EVC2: variants seen among roughly 807,000 people sequenced by gnomAD.
EVC2 encodes the protein limbin.
In EVC2, 148 loss-of-function variants were observed where a neutral mutation model predicts 149.3. That is an observed-to-expected ratio of 0.99 (90% CI 0.87 to 1.14). The LOEUF (loss-of-function observed/expected upper bound fraction) is 1.14. Ranked by LOEUF, EVC2 falls within the 50% of genes most tolerant of loss-of-function variation. The pLI is 0.00. For missense variants in EVC2, 1,854 were observed against 1,627.3 expected (o/e 1.14, Z -2.40); for synonymous variants, 776 against 649.9 (o/e 1.19, Z -2.95).
intron 10 of EVC2, among the ~76,000 whole-genome samples, chr4:5,635,263 C>T (rs1716821561): frequency 6.6e-6 from 1 of 152,032 alleles, no homozygotes; most frequent in South Asian, 2.1e-4. Context: ...TCTCAAACAC[C>T]TGACCTCAGG....
intron 21 of EVC2, among the ~76,000 whole-genome samples, chr4:5,548,119 C>A (rs889676946): frequency 6.6e-6 from 1 of 152,026 alleles, no homozygotes; most frequent in African/African-American, 2.4e-5. Context: ...ACTCACACAC[C>A]CCTTGCCACT....
chr4:5,572,036 C>T (rs1020438604), intron 19 of EVC2, among the ~76,000 whole-genome samples: 2 of 152,208 alleles, frequency 1.3e-5, no homozygotes, highest in African/African-American at 4.8e-5. Flanking sequence ...TCCACAATCA[C>T]GGCAGCCAAT....
In EVC2 at chr4:5,613,043, G is replaced by C. The variant is rs982599741; in HGVS notation, c.2829+2379C>G. Among the ~76,000 whole-genome samples the C allele has an allele frequency of 6.6e-6, 1 of 152,102 alleles. No individual in the cohort carries two copies. Among genetic ancestry groups the C allele is most frequent in the Non-Finnish European group, 1.5e-5 (1 of 68,004 alleles). ...GGTCCAGCCTTGAGCCACTGGGTGGGAGCGGTGCGGTCTGCACCTGATGTC... is the reference window on the plus strand; with the variant it reads ...GGTCCAGCCTTGAGCCACTGGGTGGCAGCGGTGCGGTCTGCACCTGATGTC... On this transcript the variant is annotated intron_variant, in intron 16 of 21. Transcript: ENST00000344408. This position sits in a 1 kb window ranked among gnomAD's most constrained non-coding sequence, Gnocchi z 4.6.
chr4:5,604,114 A>G (rs1714205509), intron 16 of EVC2, among the ~76,000 whole-genome samples: 1 of 152,192 alleles, frequency 6.6e-6, no homozygotes, highest in Admixed American at 6.5e-5. Flanking sequence ...TGCCTGCTTC[A>G]CTACAGAGGG....
intron 9 of EVC2, among the ~76,000 whole-genome samples, chr4:5,661,825 T>G (rs1040082520): frequency 2.6e-5 from 4 of 152,220 alleles, no homozygotes; most frequent in African/African-American, 9.6e-5. Context: ...CATTTACTAG[T>G]ATATGCCCTT....
intron 16 of EVC2, among the ~76,000 whole-genome samples, chr4:5,590,841 TC>T (rs1369431497): frequency 1.1e-4 from 16 of 152,024 alleles, no homozygotes; most frequent in African/African-American, 3.9e-4. Flanking sequence ...TTTAATTGCC[TC>T]CCCAGCCCTC....
At chr4:5,702,339 C>T (rs1362502295) in intron 1 of EVC2, among the ~76,000 whole-genome samples, 1 of 152,168 alleles carries the variant, frequency 6.6e-6, no homozygotes, top group Non-Finnish European at 1.5e-5. Flanking sequence ...CTTTTTCCTG[C>T]TCCAAGAATG....
intron 21 of EVC2, among the ~76,000 whole-genome samples, chr4:5,545,613 T>G (rs7663337): frequency 0.51 from 77,016 of 152,058 alleles, 21,993 homozygotes; most frequent in Non-Finnish European, 0.66. Context: ...CATGGGAATT[T>G]GGCAGAGACG....
rs1716037789 is a variant in EVC2, at chr4:5,625,441, TA to T, written c.2046+307del. On this transcript the variant is annotated intron_variant, in intron 13 of 21. Coordinates refer to ENST00000344408, the MANE Select transcript of EVC2 (RefSeq NM_147127.5). This position sits in a 1 kb window ranked among gnomAD's most constrained non-coding sequence, Gnocchi z 4.0. ...AGCACAGTGCTAAGTAAGCAGCCAA[TA>T]AATGTTAGCACCTACCATCATCATT... Among the ~76,000 whole-genome samples, 1 of 151,954 alleles carries T rather than the reference TA, an allele frequency of 6.6e-6. No individual in the cohort carries two copies. The highest frequency in any genetic ancestry group is 2.4e-5 in the African/African-American group (1 of 41,352).
rs184551499 is a variant in EVC2 at position 5,613,374 on chromosome 4, T to A, written c.2829+2048A>T. ...ACAAGCAGCTCTTCTCCGACAACAG[T>A]CACCTTCACTCTGGCGGGTTTCACC... is the stretch of plus-strand genomic sequence containing the variant. On this transcript the variant is annotated intron_variant, in intron 16 of 21. Transcript: ENST00000344408. The surrounding 1 kb of genome is among the most constrained non-coding windows in gnomAD (Gnocchi z 4.6). Among the ~76,000 whole-genome samples the A allele has an allele frequency of 1.8e-4, 28 of 152,232 alleles. No homozygotes were observed. The East Asian group carries it at 5.4e-3, about 29-fold the overall frequency.
chr4:5,628,517 G>C, intron 12 of EVC2, 42 bp downstream of exon 12: 1 of 1,610,460 alleles, frequency 6.2e-7, no homozygotes, highest in South Asian at 1.1e-5. Flanking sequence ...GCAGAAAACA[G>C]ACTAAGACAG....
At chr4:5,543,895 C>T (rs964344175) in intron 21 of EVC2, among the ~76,000 whole-genome samples, 1 of 152,216 alleles carries the variant, frequency 6.6e-6, no homozygotes, top group African/African-American at 2.4e-5. Flanking sequence ...GTGCAGGCCT[C>T]AGGCCTCAGG....
intron 7 of EVC2, among the ~76,000 whole-genome samples, chr4:5,678,043 A>T (rs971558318): frequency 6.6e-6 from 1 of 152,206 alleles, no homozygotes; most frequent in African/African-American, 2.4e-5. Context: ...AAAAGAGTTA[A>T]CATCTCCAGC....
intron 18 of EVC2, among the ~76,000 whole-genome samples, chr4:5,575,151 C>T (rs1038050273): frequency 1.3e-5 from 2 of 152,200 alleles, no homozygotes; most frequent in Admixed American, 1.3e-4. Context: ...TGGATTGATG[C>T]AGACCCAGAA....
At chr4:5,626,115 A>G (rs946086223) in intron 12 of EVC2, among the ~76,000 whole-genome samples, 2 of 152,178 alleles carry the variant, frequency 1.3e-5, no homozygotes, top group African/African-American at 4.8e-5. Flanking sequence ...CAAGAGAGAC[A>G]TCATTAGGGT....
intron 1 of EVC2, among the ~76,000 whole-genome samples, chr4:5,701,756 G>A (rs2151743707): frequency 6.6e-6 from 1 of 152,282 alleles, no homozygotes; most frequent in African/African-American, 2.4e-5. Context: ...CCAACCTGAG[G>A]CTGCTGCACA....
At chr4:5,592,674 G>A (rs1712920055) in intron 16 of EVC2, among the ~76,000 whole-genome samples, 1 of 152,186 alleles carries the variant, frequency 6.6e-6, no homozygotes, top group Non-Finnish European at 1.5e-5. Flanking sequence ...TGCATTAAGA[G>A]GCAAAATGGC....
At chr4:5,655,860 G>C (rs1244172525) in intron 9 of EVC2, among the ~76,000 whole-genome samples, 3 of 151,996 alleles carry the variant, frequency 2.0e-5, no homozygotes, top group Non-Finnish European at 4.4e-5. Context: ...CATTATTTAT[G>C]GGCCTCGTAA....
rs780090883 is a variant in EVC2 at position 5,615,540 on chromosome 4, T to C, written c.2711A>G (p.Gln904Arg). The change falls in exon 16 of 22, where the codon CAG (glutamine) becomes CGG (arginine). Residue 904 changes from glutamine (Q) to arginine (R), a missense_variant. Gln to Arg is a conservative substitution (Grantham distance 43). Coordinates refer to ENST00000344408, the MANE Select transcript of EVC2 (RefSeq NM_147127.5). The part of the protein sequence containing the change: ...QAVAAPELQQ[Q>R]SKVRKSRSKS... ...GGACCGTGACTTTCTCACCTTGGAC[T>C]GTTGCTGGAGAGGGGTTGGGGAAGA... The C allele has an allele frequency of 1.3e-5, 21 of 1,614,226 alleles. 1 individual carries two copies. In the South Asian group the frequency reaches 2.3e-4, roughly 18 times the overall value.
Sources: allele counts gnomAD v4.1 joint callset (sites outside exome capture counted in the v4.1 genomes callset), GRCh38; gene constraint gnomAD v4.1.1; non-coding constraint Gnocchi (gnomAD v3.1); transcripts MANE v1.5; gene names NCBI Gene and HGNC (gene_info 2026-07-23, HGNC 2026-07-21).